Variants in KCNQ1 observed in about 807,000 individuals in gnomAD.
KCNQ1 encodes potassium voltage-gated channel subfamily KQT member 1.
In KCNQ1, 49 loss-of-function variants were observed where a neutral mutation model predicts 72.4. The observed-to-expected ratio is 0.68, with a 90% confidence interval of 0.54 to 0.86. The LOEUF (loss-of-function observed/expected upper bound fraction) is 0.86. KCNQ1 is among the 40% of genes least tolerant of loss of function. The probability of loss-of-function intolerance (pLI) is 0.00; values close to 1 mark genes in which losing one functional copy is unlikely to be tolerated. For missense variants in KCNQ1, 790 were observed against 945.1 expected, an observed-to-expected ratio of 0.84 and a Z score of 2.15; for synonymous variants, 450 against 412.6, an observed-to-expected ratio of 1.09 and a Z score of -1.10.
At chr11:2,589,971 G>A (rs896947298) in intron 10 of KCNQ1, among the ~76,000 whole-genome samples, 1 of 152,212 alleles carries the variant, frequency 6.6e-6, no homozygotes, top group African/African-American at 2.4e-5. Flanking sequence ...TGCCACGGAT[G>A]CCCTTGAGAG....
chr11:2,484,188 C>T lies in KCNQ1; in HGVS notation c.386+38704C>T, dbSNP rs144066076. The stretch of plus-strand genomic sequence containing the variant: ...CTCCATTTATTTATTTATTTAGAGA[C>T]GGAGTTTTACTCTTGCACAGGCTGG... On this transcript the variant is annotated intron_variant, in intron 1 of 15. Coordinates refer to ENST00000155840, the MANE Select transcript of KCNQ1 (RefSeq NM_000218.3). The surrounding 1 kb of genome is among the most constrained non-coding windows in gnomAD (Gnocchi z 5.2). 2.2e-3 allele frequency among the ~76,000 whole-genome samples: 341 copies of T among 152,210 alleles called. 1 individual carries two copies. The highest frequency in any genetic ancestry group is 7.9e-3 in the African/African-American group (329 of 41,502).
In KCNQ1 at chr11:2,471,820, G is replaced by A. The variant is rs1270552995; in HGVS notation, c.386+26336G>A. 6.6e-6 allele frequency among the ~76,000 whole-genome samples: 1 copy of A among 151,776 alleles called. No homozygotes were observed. On this transcript the variant is annotated intron_variant, in intron 1 of 15. Transcript: ENST00000155840. The surrounding 1 kb of genome is among the most constrained non-coding windows in gnomAD (Gnocchi z 4.8). ...TGTGTATATAGGTGTGTGTGCACGT[G>A]TATGGGTGCGTGTGCACCTATGTGT...
Position 2,653,445 on chromosome 11 carries a change from T to C in KCNQ1, c.1394-8516T>C. The C allele has an allele frequency of 2.5e-6, 1 of 398,562 alleles. No homozygotes were observed. Among genetic ancestry groups the C allele is most frequent in the East Asian group, 3.6e-5 (1 of 28,074 alleles). 24.7% of individuals were successfully genotyped at this position (398,562 alleles called of 1,614,324 possible). On this transcript the variant is annotated intron_variant, in intron 10 of 15. Coordinates refer to ENST00000155840, the MANE Select transcript of KCNQ1 (RefSeq NM_000218.3). The surrounding 1 kb of genome is among the most constrained non-coding windows in gnomAD (Gnocchi z 5.3). Reference sequence around the variant, plus strand: ...AACAAGCTTAAGCACAAAAGGGACATTTTTTGGCTCACACAGCTGGACCCA... The same window carrying C: ...AACAAGCTTAAGCACAAAAGGGACACTTTTTGGCTCACACAGCTGGACCCA...
Position 2,557,645 on chromosome 11 carries a change from A to G in KCNQ1, c.478-12983A>G, listed in dbSNP as rs536004306. Among the ~76,000 whole-genome samples the G allele has an allele frequency of 2.4e-4, 37 of 152,268 alleles. No homozygotes were observed. The South Asian group carries it at 7.7e-3, about 32-fold the overall frequency. ...GGAGCCTCCACAGCATTGCATCTACATGGCTGGTAAGGCTCCTGTTCATGA... is the reference window on the plus strand; with the variant it reads ...GGAGCCTCCACAGCATTGCATCTACGTGGCTGGTAAGGCTCCTGTTCATGA... On this transcript the variant is annotated intron_variant, in intron 2 of 15. Transcript: ENST00000155840.
intron 15 of KCNQ1, among the ~76,000 whole-genome samples, chr11:2,806,373 C>G (rs1206427882): frequency 1.3e-5 from 2 of 152,164 alleles, no homozygotes; most frequent in Non-Finnish European, 2.9e-5. Flanking sequence ...ACGCTAGCCC[C>G]TCCGTAATTT....
At position 2,654,227 on chromosome 11, in the gene KCNQ1, G is replaced by A. The variant is rs542701815; in HGVS notation, c.1394-7734G>A. ...ACGCAGGGCCTGGCTGCAGCTGTCCGGATGCCCCTGGGGAGGGCTTCTCCT... is the reference window on the plus strand; with the variant it reads ...ACGCAGGGCCTGGCTGCAGCTGTCCAGATGCCCCTGGGGAGGGCTTCTCCT... On this transcript the variant is annotated intron_variant, in intron 10 of 15. Coordinates refer to ENST00000155840, the MANE Select transcript of KCNQ1 (RefSeq NM_000218.3). This position sits in a 1 kb window ranked among gnomAD's most constrained non-coding sequence, Gnocchi z 6.4. 216 of 398,772 alleles carry A rather than the reference G, an allele frequency of 5.4e-4. No homozygotes were observed. Among genetic ancestry groups the A allele is most frequent in the Non-Finnish European group, 8.2e-4 (186 of 226,216 alleles). The allele number at this position is 398,772 out of a possible 1,614,324, so 24.7% of individuals were successfully genotyped here.
intron 1 of KCNQ1, among the ~76,000 whole-genome samples, chr11:2,521,216 A>G (rs1240815526): frequency 6.6e-6 from 1 of 150,556 alleles, no homozygotes; most frequent in Non-Finnish European, 1.5e-5. Flanking sequence ...ATGAAATCCC[A>G]CTCCCTCTCC....
At chr11:2,812,895 T>C (rs1847522458) in intron 15 of KCNQ1, among the ~76,000 whole-genome samples, 2 of 152,206 alleles carry the variant, frequency 1.3e-5, no homozygotes, top group Admixed American at 1.3e-4. Flanking sequence ...TGGCCAGCCC[T>C]CAAACCATCT....
chr11:2,733,603 C>T (rs61870826), intron 11 of KCNQ1, among the ~76,000 whole-genome samples: 20,714 of 151,934 alleles, frequency 0.14, 1,820 homozygotes, highest in Middle Eastern at 0.23. Flanking sequence ...GGGAGACAGT[C>T]GGGCACGGTG....
intron 11 of KCNQ1, among the ~76,000 whole-genome samples, chr11:2,716,693 A>G (rs1851098343): frequency 6.6e-6 from 1 of 152,188 alleles, no homozygotes; most frequent in Non-Finnish European, 1.5e-5. Context: ...CAGATTCCCC[A>G]CTACGGAAGG....
At chr11:2,841,662 A>G (rs1239433757) in intron 15 of KCNQ1, among the ~76,000 whole-genome samples, 2 of 152,168 alleles carry the variant, frequency 1.3e-5, no homozygotes, top group Non-Finnish European at 2.9e-5. Flanking sequence ...GCCCCTGGAG[A>G]GAGCAAGTAG....
At position 2,747,660 on chromosome 11, in the gene KCNQ1, T is replaced by C. The variant is rs540275770; in HGVS notation, c.1515-21184T>C. Reference sequence around the variant, plus strand: ...GTGCCCAGAGGAAAGGAAGATGGCTTTGGGGGTGGACACGTCTGGGCAGGC... The same window carrying C: ...GTGCCCAGAGGAAAGGAAGATGGCTCTGGGGGTGGACACGTCTGGGCAGGC... On this transcript the variant is annotated intron_variant, in intron 11 of 15. Coordinates refer to ENST00000155840, the MANE Select transcript of KCNQ1 (RefSeq NM_000218.3). 5.3e-5 allele frequency among the ~76,000 whole-genome samples: 8 copies of C among 152,190 alleles called. No individual in the cohort carries two copies. In the South Asian group the frequency reaches 1.7e-3, roughly 32 times the overall value.
chr11:2,771,987 C>T (rs886232358), intron 12 of KCNQ1, among the ~76,000 whole-genome samples: 2 of 152,158 alleles, frequency 1.3e-5, no homozygotes, highest in Non-Finnish European at 2.9e-5. Flanking sequence ...GCCCTGGGAG[C>T]CTTGCAGAAA....
At chr11:2,763,296 G>A (rs1846438808) in intron 11 of KCNQ1, among the ~76,000 whole-genome samples, 2 of 151,830 alleles carry the variant, frequency 1.3e-5, no homozygotes, top group African/African-American at 4.8e-5. Context: ...GGGTACGATG[G>A]CTCACACCTG....
intron 12 of KCNQ1, among the ~76,000 whole-genome samples, chr11:2,775,615 G>A (rs142028820): frequency 6.6e-5 from 10 of 152,196 alleles, no homozygotes; most frequent in Admixed American, 2.6e-4. Context: ...TGACCCCTTG[G>A]GGGGGCCAGC....
In KCNQ1 at chr11:2,493,050, T is replaced by C. The variant is rs1430460087; in HGVS notation, c.387-34878T>C. ...CCTGATTTTTTAGTGATCGCCATTC[T>C]AACTGGCATGAGATGGTATCTCCTT... is the stretch of plus-strand genomic sequence containing the variant. On this transcript the variant is annotated intron_variant, in intron 1 of 15. Transcript: ENST00000155840. The surrounding 1 kb of genome is among the most constrained non-coding windows in gnomAD (Gnocchi z 5.3). Among the ~76,000 whole-genome samples the C allele has an allele frequency of 6.6e-6, 1 of 152,250 alleles. No homozygotes were observed. Among genetic ancestry groups the C allele is most frequent in the Non-Finnish European group, 1.5e-5 (1 of 68,036 alleles).
At position 2,567,868 on chromosome 11, in the gene KCNQ1, A is replaced by G. The variant is rs1369092280; in HGVS notation, c.478-2760A>G. ...AAAAGACACGCAGCTATCCACAGCAATCCTTAATAGTTACTTATCTATTTC... is the reference window on the plus strand; with the variant it reads ...AAAAGACACGCAGCTATCCACAGCAGTCCTTAATAGTTACTTATCTATTTC... On this transcript the variant is annotated intron_variant, in intron 2 of 15. Coordinates refer to ENST00000155840, the MANE Select transcript of KCNQ1 (RefSeq NM_000218.3). This position sits in a 1 kb window ranked among gnomAD's most constrained non-coding sequence, Gnocchi z 6.6. Among the ~76,000 whole-genome samples the G allele has an allele frequency of 6.6e-6, 1 of 152,252 alleles. No individual in the cohort carries two copies. Among genetic ancestry groups the G allele is most frequent in the Non-Finnish European group, 1.5e-5 (1 of 68,046 alleles).
rs1021540832 is a variant in KCNQ1 at position 2,495,024 on chromosome 11, G to T, written c.387-32904G>T. The stretch of plus-strand genomic sequence containing the variant: ...TACTGCCTCAATTTCAGAACTTGTT[G>T]TTGGTCTATTCAGGGATTCGACTTT... On this transcript the variant is annotated intron_variant, in intron 1 of 15. Coordinates refer to ENST00000155840, the MANE Select transcript of KCNQ1 (RefSeq NM_000218.3). This position sits in a 1 kb window ranked among gnomAD's most constrained non-coding sequence, Gnocchi z 4.6. Among the ~76,000 whole-genome samples, 2 of 152,088 alleles carry T rather than the reference G, an allele frequency of 1.3e-5. No homozygotes were observed. The highest frequency in any genetic ancestry group is 6.6e-5 in the Admixed American group (1 of 15,256).
Position 2,541,704 on chromosome 11 carries a change from G to GTT in KCNQ1, c.477+13700_477+13701dup, listed in dbSNP as rs368310521. Among the ~76,000 whole-genome samples the GTT allele has an allele frequency of 0.082, 11,888 of 145,190 alleles. 484 individuals are homozygous for GTT. Among genetic ancestry groups the GTT allele is most frequent in the Middle Eastern group, 0.11 (30 of 280 alleles). Reference sequence around the variant, plus strand: ...TTCATCTCAGGCTCAGGTGTTTTGAGTTTTTTTTTTTTTTTAAATGAGGAC... The same window carrying GTT: ...TTCATCTCAGGCTCAGGTGTTTTGAGTTTTTTTTTTTTTTTTTAAATGAGGAC... On this transcript the variant is annotated intron_variant, in intron 2 of 15. Transcript: ENST00000155840. This position sits in a 1 kb window ranked among gnomAD's most constrained non-coding sequence, Gnocchi z 4.8.
Sources: allele counts gnomAD v4.1 joint callset (sites outside exome capture counted in the v4.1 genomes callset), GRCh38; gene constraint gnomAD v4.1.1; non-coding constraint Gnocchi (gnomAD v3.1); transcripts MANE v1.5; gene names NCBI Gene and HGNC (gene_info 2026-07-23, HGNC 2026-07-21).